LUZP2: variants seen among roughly 807,000 people sequenced by gnomAD.
The protein encoded by LUZP2 is leucine zipper protein 2.
A neutral mutation model predicts 51.6 loss-of-function variants in LUZP2; 52 were observed. The ratio of observed to expected loss-of-function variants is 1.01; its 90% CI spans 0.81 to 1.27. LUZP2 has a LOEUF of 1.27. Ranked by LOEUF, LUZP2 falls within the 50% of genes most tolerant of loss-of-function variation. The pLI is 0.00. For missense variants in LUZP2, 436 were observed against 395.4 expected (o/e 1.10, Z -0.87); for synonymous variants, 154 against 137.3 (o/e 1.12, Z -0.85).
chr11:24,976,517 A>C, intron 7 of LUZP2, 74 bp from the exon 8 acceptor site: 1 of 829,086 alleles, frequency 1.2e-6, no homozygotes. Context: ...ATTCTTTGGC[A>C]ATATATGACA....
intron 5 of LUZP2, among the ~76,000 whole-genome samples, chr11:24,820,031 T>C (rs940018478): frequency 2.0e-5 from 3 of 152,142 alleles, no homozygotes; most frequent in Non-Finnish European, 4.4e-5. Flanking sequence ...TCTAATTCAC[T>C]CTTTGACATT....
At chr11:24,885,022 C>T (rs1852625088) in intron 5 of LUZP2, among the ~76,000 whole-genome samples, 1 of 151,952 alleles carries the variant, frequency 6.6e-6, no homozygotes, top group Non-Finnish European at 1.5e-5. Flanking sequence ...ACAGAAGAAG[C>T]AGGTTCTGTT....
chr11:24,847,462 C>T (rs559112905), intron 5 of LUZP2, among the ~76,000 whole-genome samples: 1 of 152,018 alleles, frequency 6.6e-6, no homozygotes, highest in Non-Finnish European at 1.5e-5. Context: ...TTATCATGTC[C>T]GTTCTCAGGC....
At chr11:24,902,693 A>G (rs958920287) in intron 5 of LUZP2, among the ~76,000 whole-genome samples, 2 of 152,214 alleles carry the variant, frequency 1.3e-5, no homozygotes, top group Non-Finnish European at 2.9e-5. Context: ...TGAAATAAAT[A>G]GTATGCTAAA....
chr11:24,884,070 G>A (rs191286124), intron 5 of LUZP2, among the ~76,000 whole-genome samples: 2 of 152,072 alleles, frequency 1.3e-5, no homozygotes, highest in Admixed American at 6.6e-5. Flanking sequence ...ATATCTTTAG[G>A]AGTAATTACA....
At chr11:24,537,758 A>G (rs1016550623) in intron 1 of LUZP2, among the ~76,000 whole-genome samples, 12 of 151,874 alleles carry the variant, frequency 7.9e-5, no homozygotes, top group African/African-American at 2.9e-4. Flanking sequence ...TTTTGCATAT[A>G]TTATTATATC....
intron 9 of LUZP2, among the ~76,000 whole-genome samples, chr11:25,038,256 T>C (rs1397022846): frequency 2.0e-5 from 3 of 152,266 alleles, no homozygotes; most frequent in Middle Eastern, 6.8e-3. Flanking sequence ...GAAGAACCAT[T>C]AGTAGAGCTT....
intron 1 of LUZP2, among the ~76,000 whole-genome samples, chr11:24,711,308 G>T (rs1187814529): frequency 6.6e-6 from 1 of 152,034 alleles, no homozygotes; most frequent in Non-Finnish European, 1.5e-5. Flanking sequence ...AAATTAGCCG[G>T]GTGTGGCGGC....
chr11:24,867,692 C>A lies in LUZP2; in HGVS notation c.397-38299C>A, dbSNP rs573625568. Among the ~76,000 whole-genome samples the A allele has an allele frequency of 5.9e-5, 9 of 152,188 alleles. No homozygotes were observed. The East Asian group carries it at 1.7e-3, about 30-fold the overall frequency. On this transcript the variant is annotated intron_variant, in intron 5 of 11. Transcript: ENST00000336930. ...CTTGTCAAGGAACTTGGGACAAGTTCACAGTAGAAAGTTCCTGGCAATTTG... is the reference window on the plus strand; with the variant it reads ...CTTGTCAAGGAACTTGGGACAAGTTAACAGTAGAAAGTTCCTGGCAATTTG...
intron 9 of LUZP2, among the ~76,000 whole-genome samples, chr11:25,021,814 G>T (rs1326061119): frequency 6.6e-6 from 1 of 151,956 alleles, no homozygotes; most frequent in African/African-American, 2.4e-5. Context: ...TGACAAAGAA[G>T]AATGGTGGAA....
chr11:24,691,457 C>A (rs764940896), intron 1 of LUZP2, among the ~76,000 whole-genome samples: 2 of 149,244 alleles, frequency 1.3e-5, no homozygotes, highest in Non-Finnish European at 3.0e-5. Context: ...AATAAATACC[C>A]ATTTTTCCCT....
At chr11:24,988,759 T>G (rs1856253147) in intron 9 of LUZP2, among the ~76,000 whole-genome samples, 1 of 152,004 alleles carries the variant, frequency 6.6e-6, no homozygotes, top group South Asian at 2.1e-4. Context: ...ATTAAGTAAT[T>G]TGAGTATACA....
intron 7 of LUZP2, among the ~76,000 whole-genome samples, chr11:24,927,222 G>T (rs1291254288): frequency 6.6e-6 from 1 of 151,468 alleles, no homozygotes; most frequent in Admixed American, 6.6e-5. Flanking sequence ...TTATCTATTT[G>T]CTGATTGTTT....
intron 1 of LUZP2, among the ~76,000 whole-genome samples, chr11:24,676,101 G>A (rs1212162598): frequency 6.6e-6 from 1 of 152,030 alleles, no homozygotes; most frequent in Non-Finnish European, 1.5e-5. Context: ...TTACAGGAGT[G>A]AGCCACCATG....
intron 7 of LUZP2, among the ~76,000 whole-genome samples, chr11:24,970,297 A>T (rs1282175232): frequency 6.6e-6 from 1 of 152,150 alleles, no homozygotes; most frequent in African/African-American, 2.4e-5. Context: ...TTCATGCAGC[A>T]TATTATCATA....
At chr11:24,532,769 G>A (rs926051745) in intron 1 of LUZP2, among the ~76,000 whole-genome samples, 1 of 150,936 alleles carries the variant, frequency 6.6e-6, no homozygotes, top group African/African-American at 2.4e-5. Flanking sequence ...TGTTCTAGAA[G>A]TTAAAATATT....
intron 9 of LUZP2, among the ~76,000 whole-genome samples, chr11:25,003,939 G>C (rs1856763797): frequency 6.6e-6 from 1 of 152,208 alleles, no homozygotes; most frequent in African/African-American, 2.4e-5. Flanking sequence ...GAGGAGGTGG[G>C]AGAAATACCT....
chr11:24,770,354 T>G (rs1159136256), intron 5 of LUZP2, among the ~76,000 whole-genome samples: 3 of 152,168 alleles, frequency 2.0e-5, no homozygotes, highest in Admixed American at 6.6e-5. Context: ...GGTTTGATTC[T>G]GGTCAGTGGT....
At chr11:24,678,099 T>G in intron 1 of LUZP2, among the ~76,000 whole-genome samples, 1 of 144,182 alleles carries the variant, frequency 6.9e-6, no homozygotes, top group South Asian at 2.4e-4. Flanking sequence ...GATTACTACG[T>G]AGCTATGTGT....
Sources: gnomAD v4.1 joint callset for allele counts (sites outside exome capture counted in the v4.1 genomes callset) on GRCh38, gnomAD v4.1.1 for gene constraint, MANE v1.5 for transcripts, NCBI Gene and HGNC (gene_info 2026-07-23, HGNC 2026-07-21) for gene names.